PCDHB13: variants seen among roughly 807,000 people sequenced by gnomAD.
PCDHB13 encodes protocadherin beta-13.
For synonymous variants in PCDHB13, 515 were observed against 450.7 expected, an observed-to-expected ratio of 1.14 and a Z score of -1.81; for missense variants, 1,065 against 1,016.7, an observed-to-expected ratio of 1.05 and a Z score of -0.65.
At position 141,214,227 on chromosome 5, in the gene PCDHB13, C is replaced by G; in HGVS notation, c.104C>G (p.Ser35Cys). The G allele has an allele frequency of 1.2e-6, 2 of 1,603,644 alleles. No individual in the cohort carries two copies. Among genetic ancestry groups the G allele is most frequent in the Non-Finnish European group, 1.7e-6 (2 of 1,172,914 alleles). ...GGCGCGGCGGAACCTAGAAGCTATT[C>G]TGTGGTGGAGGAAACTGAGGGCAGC... Reference protein sequence around the residue: ...LAGAAEPRSYSVVEETEGSSF... With the variant: ...LAGAAEPRSYCVVEETEGSSF... Residue 35 changes from serine to cysteine, a missense_variant, in exon 1 of 1, where the codon TCT becomes TGT. Ser to Cys is a moderately radical substitution (Grantham distance 112). Transcript: ENST00000341948.
Position 141,217,575 on chromosome 5 carries a change from T to C in PCDHB13, c.*1055T>C, listed in dbSNP as rs782738314. 1.2e-5 allele frequency: 2 copies of C among 167,018 alleles called. No homozygotes were observed. Among genetic ancestry groups the C allele is most frequent in the Non-Finnish European group, 2.9e-5 (2 of 68,120 alleles). 10.3% of individuals were successfully genotyped at this position (167,018 alleles called of 1,614,324 possible). On this transcript the variant is annotated 3_prime_UTR_variant, in exon 1 of 1. Transcript: ENST00000341948. ...CACTTTTCTCAGACATATAAAAGCATACCAGATGTTGAACATTGATAGTAT... is the reference window on the plus strand; with the variant it reads ...CACTTTTCTCAGACATATAAAAGCACACCAGATGTTGAACATTGATAGTAT...
rs200791242 is a variant in PCDHB13, at chr5:141,214,519, A to C, written c.396A>C (p.Pro132=). The change falls in exon 1 of 1, where the codon CCA becomes CCC. Residue 132 remains proline, a synonymous_variant. Transcript: ENST00000341948. ...TAATAGACATAAACGACCACTCTCC[A>C]GTATTTCTGGACAAACAAATGTTGG... The part of the protein sequence containing the change: ...LQVIDINDHS[P]VFLDKQMLVK... The C allele has an allele frequency of 1.6e-4, 263 of 1,613,196 alleles. 1 individual carries two copies. The East Asian group carries it at 4.9e-3, about 30-fold the overall frequency.
Position 141,213,964 on chromosome 5 carries a change from G to A in PCDHB13, c.-160G>A, listed in dbSNP as rs1339524215. ...AAAGCAGCAGAACCTGGAAGTCCAC[G>A]GGGAGCTTGGATGCCAAAGGGAGGA... On this transcript the variant is annotated 5_prime_UTR_variant, in exon 1 of 1. Coordinates refer to ENST00000341948, the MANE Select transcript of PCDHB13 (RefSeq NM_018933.4). The A allele has an allele frequency of 1.6e-6, 1 of 609,688 alleles. No individual in the cohort carries two copies. The highest frequency in any genetic ancestry group is 1.9e-5 in the African/African-American group (1 of 53,746). The allele number at this position is 609,688 out of a possible 1,614,324, so 37.8% of individuals were successfully genotyped here.
rs1754661209 is a variant in PCDHB13 at position 141,218,412 on chromosome 5, T to C, written c.*1892T>C. ...TCACTACTGGTTCTGTTGAGCTTTG[T>C]CAACTGAGTAATTATTCTTTTCTTT... On this transcript the variant is annotated 3_prime_UTR_variant, in exon 1 of 1. Coordinates refer to ENST00000341948, the MANE Select transcript of PCDHB13 (RefSeq NM_018933.4). The C allele has an allele frequency of 1.2e-5, 2 of 166,960 alleles. 1 individual carries two copies. The highest frequency in any genetic ancestry group is 4.8e-5 in the African/African-American group (2 of 41,396). 10.3% of individuals were successfully genotyped at this position (166,960 alleles called of 1,614,324 possible).
rs1441124259 is a variant in PCDHB13 at position 141,216,031 on chromosome 5, C to G, written c.1908C>G (p.Ala636=). ...GGCTGCTGAGCGAGCGCGACGCGGC[C>G]AAGCACAGGCTGGTGGTGCTGGTCA... ...TARLLSERDA[A]KHRLVVLVKD... Residue 636 remains alanine, a synonymous_variant, in exon 1 of 1, where the codon GCC becomes GCG. Transcript: ENST00000341948. 1 of 1,606,990 alleles carries G rather than the reference C, an allele frequency of 6.2e-7. No individual in the cohort carries two copies. The highest frequency in any genetic ancestry group is 1.1e-5 in the South Asian group (1 of 90,918).
At position 141,214,537 on chromosome 5, in the gene PCDHB13, A is replaced by G. The variant is rs1554287626; in HGVS notation, c.414A>G (p.Gln138=). 3 of 1,613,690 alleles carry G rather than the reference A, an allele frequency of 1.9e-6. No individual in the cohort carries two copies. The highest frequency in any genetic ancestry group is 3.3e-5 in the Admixed American group (2 of 59,984). The change falls in exon 1 of 1, where the codon CAA becomes CAG. Residue 138 remains glutamine, a synonymous_variant. Coordinates refer to ENST00000341948, the MANE Select transcript of PCDHB13 (RefSeq NM_018933.4). The part of the protein sequence containing the change: ...NDHSPVFLDK[Q]MLVKVSESSP... Reference sequence around the variant, plus strand: ...ACTCTCCAGTATTTCTGGACAAACAAATGTTGGTGAAAGTATCAGAGAGCA... The same window carrying G: ...ACTCTCCAGTATTTCTGGACAAACAGATGTTGGTGAAAGTATCAGAGAGCA...
rs1207889327 is a variant in PCDHB13, at chr5:141,217,891, GC to G, written c.*1372del. 1.8e-5 allele frequency: 3 copies of G among 167,064 alleles called. No homozygotes were observed. Among genetic ancestry groups the G allele is most frequent in the African/African-American group, 7.3e-5 (3 of 41,374 alleles). 10.3% of individuals were successfully genotyped at this position (167,064 alleles called of 1,614,324 possible). ...GAAAAGAGGAAATTCATGGGGATGAGCAAAATGACTACTTCCAGTGCCACAG... is the reference window on the plus strand; with the variant it reads ...GAAAAGAGGAAATTCATGGGGATGAGAAAATGACTACTTCCAGTGCCACAG... On this transcript the variant is annotated 3_prime_UTR_variant, in exon 1 of 1. Transcript: ENST00000341948.
chr5:141,216,306 C>G lies in PCDHB13; in HGVS notation c.2183C>G (p.Pro728Arg). ...GCCTCGGTGGGTCGCTGCTTGGTGC[C>G]CGAGGGCCCCCTTCCAGGGCATCTT... ...RAASVGRCLV[P>R]EGPLPGHLVD... Residue 728 changes from proline to arginine, a missense_variant, in exon 1 of 1, where the codon CCC (proline) becomes CGC (arginine). Physicochemically the swap from Pro to Arg is moderately radical, Grantham distance 103 (BLOSUM62 -2). Coordinates refer to ENST00000341948, the MANE Select transcript of PCDHB13 (RefSeq NM_018933.4). 1 of 1,613,832 alleles carries G rather than the reference C, an allele frequency of 6.2e-7. No individual in the cohort carries two copies. The highest frequency in any genetic ancestry group is 8.5e-7 in the Non-Finnish European group (1 of 1,179,928).
chr5:141,216,726 C>T lies in PCDHB13; in HGVS notation c.*206C>T. On this transcript the variant is annotated 3_prime_UTR_variant, in exon 1 of 1. Coordinates refer to ENST00000341948, the MANE Select transcript of PCDHB13 (RefSeq NM_018933.4). ...CAATTCATTCTTTAACCCAGATGGT[C>T]TTAATTTGTAATTAATTTGCCTCCC... is the stretch of plus-strand genomic sequence containing the variant. 1.5e-6 allele frequency: 1 copy of T among 669,960 alleles called. No homozygotes were observed. Among genetic ancestry groups the T allele is most frequent in the South Asian group, 1.7e-5 (1 of 60,328 alleles). 41.5% of individuals were successfully genotyped at this position (669,960 alleles called of 1,614,324 possible). A position where few individuals can be genotyped will look rare whatever the true frequency, so the allele number is the denominator to read the frequency against.
rs1754579080 is a variant in PCDHB13, at chr5:141,215,603, C to T, written c.1480C>T (p.Gln494Ter). 2.5e-6 allele frequency: 4 copies of T among 1,612,374 alleles called. No individual in the cohort carries two copies. The highest frequency in any genetic ancestry group is 1.7e-6 in the Non-Finnish European group (2 of 1,180,010). The change falls in exon 1 of 1, where the codon CAG (glutamine) becomes TAG (stop). Residue 494 changes from glutamine (Q) to a stop codon, truncating the protein, a stop_gained. Coordinates refer to ENST00000341948, the MANE Select transcript of PCDHB13 (RefSeq NM_018933.4). LOFTEE classifies it low-confidence loss of function (END_TRUNC). The stretch of plus-strand genomic sequence containing the variant: ...GGTCACCTACTCGCTGCTGCCGCCC[C>T]AGGACCCGCACCTGCCCCTCACATC... ...AQVTYSLLPP[Q>*]DPHLPLTSLV...
chr5:141,216,582 A>AT lies in PCDHB13; in HGVS notation c.*65dup, dbSNP rs1754622022. The AT allele has an allele frequency of 7.7e-7, 1 of 1,299,086 alleles. No homozygotes were observed. Among genetic ancestry groups the AT allele is most frequent in the Non-Finnish European group, 1.1e-6 (1 of 892,760 alleles). 80.5% of individuals were successfully genotyped at this position (1,299,086 alleles called of 1,614,324 possible). A position where few individuals can be genotyped will look rare whatever the true frequency, so the allele number is the denominator to read the frequency against. The stretch of plus-strand genomic sequence containing the variant: ...TTGTGGCATTTCCATGCCAATGTTT[A>AT]TTTCCCCCAATTTGTGTGTATGTAA... On this transcript the variant is annotated 3_prime_UTR_variant, in exon 1 of 1. Transcript: ENST00000341948.
In PCDHB13 at chr5:141,216,117, G is replaced by C. The variant is rs1554288110; in HGVS notation, c.1994G>C (p.Gly665Ala). 1.2e-6 allele frequency: 2 copies of C among 1,609,066 alleles called. No homozygotes were observed. The highest frequency in any genetic ancestry group is 3.3e-5 in the Admixed American group (2 of 59,998). Residue 665 changes from glycine (G) to alanine (A), a missense_variant, in exon 1 of 1, where the codon GGC becomes GCC. Physicochemically the swap from Gly to Ala is moderately conservative, Grantham distance 60 (BLOSUM62 0). Transcript: ENST00000341948. ...TATLHVLLVD[G>A]FSQPYLPLPE... ...ACGCTGCACGTGCTCCTGGTGGACG[G>C]CTTCTCCCAGCCCTACCTGCCTCTC...
chr5:141,216,414 T>C lies in PCDHB13; in HGVS notation c.2291T>C (p.Phe764Ser). 1.2e-6 allele frequency: 2 copies of C among 1,614,092 alleles called. No homozygotes were observed. The highest frequency in any genetic ancestry group is 1.7e-6 in the Non-Finnish European group (2 of 1,180,022). The change falls in exon 1 of 1, where the codon TTC becomes TCC. Residue 764 changes from phenylalanine (F) to serine (S), a missense_variant. Phe to Ser is a radical substitution (Grantham distance 155). Transcript: ENST00000341948. The stretch of plus-strand genomic sequence containing the variant: ...GCAGGAGGCTCAGGGACCAATGAGT[T>C]CAAGTTCCTGAAGCCGATTATCCCC... Reference protein sequence around the residue: ...CLAGGSGTNEFKFLKPIIPNF... With the variant: ...CLAGGSGTNESKFLKPIIPNF...
At position 141,216,244 on chromosome 5, in the gene PCDHB13, G is replaced by A; in HGVS notation, c.2121G>A (p.Leu707=). The A allele has an allele frequency of 6.2e-7, 1 of 1,613,472 alleles. No individual in the cohort carries two copies. Among genetic ancestry groups the A allele is most frequent in the Middle Eastern group, 1.8e-4 (1 of 5,618 alleles). ...VSSLFLFSVL[L]FVAVRLCRRS... ...CGCTCTTCCTCTTTTCGGTGCTCCT[G>A]TTCGTGGCGGTGCGGCTGTGTAGGA... The change falls in exon 1 of 1, where the codon CTG becomes CTA. Residue 707 remains leucine, a synonymous_variant. Coordinates refer to ENST00000341948, the MANE Select transcript of PCDHB13 (RefSeq NM_018933.4).
rs1345127386 is a variant in PCDHB13 at position 141,218,604 on chromosome 5, A to G, written c.*2084A>G. The G allele has an allele frequency of 6.6e-6, 1 of 152,084 alleles. No homozygotes were observed. Among genetic ancestry groups the G allele is most frequent in the Non-Finnish European group, 1.5e-5 (1 of 68,520 alleles). 9.4% of individuals were successfully genotyped at this position (152,084 alleles called of 1,614,324 possible). On this transcript the variant is annotated 3_prime_UTR_variant, in exon 1 of 1. Coordinates refer to ENST00000341948, the MANE Select transcript of PCDHB13 (RefSeq NM_018933.4). ...CAGGCACATGCCACCCCCCACAGCT[A>G]TTTTTGTTTGTTTGTTTGTTTTTTG... is the stretch of plus-strand genomic sequence containing the variant.
In PCDHB13 at chr5:141,216,163, G is replaced by C. The variant is rs1754604194; in HGVS notation, c.2040G>C (p.Gln680His). Residue 680 changes from glutamine (Q) to histidine (H), a missense_variant, in exon 1 of 1, where the codon CAG (glutamine) becomes CAC (histidine). Transcript: ENST00000341948. ...CTCTCCCGGAGGCGGCCCCGACCCA[G>C]GCCCAGGCCGACTTGCTCACCGTCT... Reference protein sequence around the residue: ...YLPLPEAAPTQAQADLLTVYL... With the variant: ...YLPLPEAAPTHAQADLLTVYL... The C allele has an allele frequency of 1.2e-6, 2 of 1,612,122 alleles. No homozygotes were observed. The highest frequency in any genetic ancestry group is 1.7e-6 in the Non-Finnish European group (2 of 1,179,824).
In PCDHB13 at chr5:141,214,065, C is replaced by G. The variant is rs1754515163; in HGVS notation, c.-59C>G. ...TGTAGAATAACCACAGCCTCAGATA[C>G]TGGGGACTTTACAGTCCCACAGAAC... On this transcript the variant is annotated 5_prime_UTR_variant, in exon 1 of 1. Transcript: ENST00000341948. The G allele has an allele frequency of 3.1e-6, 5 of 1,608,506 alleles. No individual in the cohort carries two copies. In the Admixed American group the frequency reaches 6.7e-5, roughly 22 times the overall value.
rs558168940 is a variant in PCDHB13, at chr5:141,215,958, T to A, written c.1835T>A (p.Leu612His). The change falls in exon 1 of 1, where the codon CTC becomes CAC. Residue 612 changes from leucine (L) to histidine (H), a missense_variant. By Grantham distance (99) the Leu-to-His change is moderately conservative. Transcript: ENST00000341948. ...LSYQLLKATE[L>H]GLFGVWAHNG... ...TACCAGCTGCTCAAGGCCACGGAGC[T>A]CGGTCTGTTCGGCGTGTGGGCGCAC... The A allele has an allele frequency of 1.2e-6, 2 of 1,607,244 alleles. No individual in the cohort carries two copies. The highest frequency in any genetic ancestry group is 1.7e-6 in the Non-Finnish European group (2 of 1,179,424).
In PCDHB13 at chr5:141,214,135, C is replaced by G; in HGVS notation, c.12C>G (p.Ser4Arg). The G allele has an allele frequency of 6.2e-7, 1 of 1,614,064 alleles. No individual in the cohort carries two copies. The highest frequency in any genetic ancestry group is 8.5e-7 in the Non-Finnish European group (1 of 1,180,002). The change falls in exon 1 of 1, where the codon AGC becomes AGG. Residue 4 changes from serine (S) to arginine (R), a missense_variant. Physicochemically the swap from Ser to Arg is moderately radical, Grantham distance 110. Transcript: ENST00000341948. The part of the protein sequence containing the change: MEA[S>R]GKLICRQRQV... ...ATCCAGCAAGAACAATGGAGGCCAG[C>G]GGGAAGCTCATTTGCAGACAAAGGC...
Sources: gnomAD v4.1 joint callset for allele counts on GRCh38, gnomAD v4.1.1 for gene constraint, MANE v1.5 for transcripts, NCBI Gene and HGNC (gene_info 2026-07-23, HGNC 2026-07-21) for gene names.